Variants in TCOF1 observed in about 807,000 individuals in gnomAD.
The protein encoded by TCOF1 is treacle ribosome biogenesis factor 1.
A neutral mutation model predicts 149.0 loss-of-function variants in TCOF1; 33 were observed. The ratio of observed to expected loss-of-function variants is 0.22; its 90% confidence interval spans 0.17 to 0.30. The LOEUF is 0.30. Among genes scored for constraint, TCOF1 ranks in the 10% least tolerant of loss-of-function variants. TCOF1 has a pLI of 1.00. For synonymous variants in TCOF1, 789 were observed against 738.8 expected (o/e 1.07, Z -1.10); for missense variants, 1,728 against 1,840.7 (o/e 0.94, Z 1.12).
In TCOF1 at chr5:150,393,490, A is replaced by C. The variant is rs1767839854; in HGVS notation, c.3722A>C (p.Asp1241Ala). Residue 1241 changes from aspartate to alanine, a missense_variant, in exon 23 of 27, where the codon GAC becomes GCC. Around this residue, in one of 2 missense-constraint regions of TCOF1, gnomAD observed 1,696 missense variants for 1,765.4 expected, o/e 0.96. Coordinates refer to ENST00000643257, the MANE Select transcript of TCOF1 (RefSeq NM_001371623.1). The stretch of plus-strand genomic sequence containing the variant: ...TCCTCTACTCTGGCCGCCAAAGATG[A>C]CCCAGATGGCAAGCAGGAGGCAAAG... ...SVSSTLAAKD[D>A]PDGKQEAKPQ... 5 of 1,613,992 alleles carry C rather than the reference A, an allele frequency of 3.1e-6. No homozygotes were observed. The Admixed American group carries it at 5.0e-5, about 16-fold the overall frequency.
intron 26 of TCOF1, 48 bp downstream of exon 26, chr5:150,399,118 T>G: frequency 6.6e-5 from 105 of 1,596,578 alleles, no homozygotes; most frequent in Non-Finnish European, 8.1e-5. Flanking sequence ...AGGACAGCTC[T>G]GGTGTCCCCT....
intron 17 of TCOF1, 51 bp from the exon 18 acceptor site, chr5:150,387,851 C>T (rs1483916516): frequency 6.2e-7 from 1 of 1,612,370 alleles, no homozygotes; most frequent in Non-Finnish European, 8.5e-7. Flanking sequence ...ACCTCCTTTC[C>T]CTGGCCAAGC....
At chr5:150,390,883 G>A (rs757344894) in intron 19 of TCOF1, among the ~76,000 whole-genome samples, 3 of 152,164 alleles carry the variant, frequency 2.0e-5, no homozygotes, top group Non-Finnish European at 4.4e-5. Flanking sequence ...GAGGGGCAGC[G>A]ATTAAACAAG....
At chr5:150,358,823 C>T (rs371574397) in intron 1 of TCOF1, among the ~76,000 whole-genome samples, 9 of 151,882 alleles carry the variant, frequency 5.9e-5, no homozygotes, top group African/African-American at 2.2e-4. Context: ...GGCGATAAAG[C>T]GAGACTCTGC....
Position 150,388,054 on chromosome 5 carries a change from G to A in TCOF1, c.3012G>A (p.Glu1004=). Residue 1004 remains glutamate (E), a synonymous_variant, in exon 18 of 27, where the codon GAG becomes GAA. Coordinates refer to ENST00000643257, the MANE Select transcript of TCOF1 (RefSeq NM_001371623.1). ...ARSSSSESED[E]DVIPATQCLT... ...GCTCCTCCTCCGAGAGCGAGGATGAGGACGTGATCCCCGCTACACAGTGCT... is the reference window on the plus strand; with the variant it reads ...GCTCCTCCTCCGAGAGCGAGGATGAAGACGTGATCCCCGCTACACAGTGCT... 2 of 1,613,692 alleles carry A rather than the reference G, an allele frequency of 1.2e-6. No homozygotes were observed. Among genetic ancestry groups the A allele is most frequent in the Non-Finnish European group, 1.7e-6 (2 of 1,180,016 alleles).
rs765903275 is a variant in TCOF1 at position 150,375,485 on chromosome 5, A to C, written c.1635A>C (p.Ser545=). ...SAQVGKWEED[S]ESSSEESSDS... ...AGGTGGGGAAGTGGGAGGAGGACTC[A>C]GAGAGCAGTAGTGAGGAGTCATCAG... The change falls in exon 11 of 27, where the codon TCA becomes TCC. Residue 545 remains serine, a synonymous_variant. Transcript: ENST00000643257. 2 of 1,614,162 alleles carry C rather than the reference A, an allele frequency of 1.2e-6. No homozygotes were observed. The highest frequency in any genetic ancestry group is 1.7e-6 in the Non-Finnish European group (2 of 1,180,012).
chr5:150,393,590 A>G, intron 23 of TCOF1, 38 bp downstream of exon 23: 1 of 1,613,798 alleles, frequency 6.2e-7, no homozygotes, highest in East Asian at 2.2e-5. Context: ...AGCAGGACAC[A>G]GAGGGACAGG....
intron 4 of TCOF1, 188 bp downstream of exon 4, chr5:150,368,105 A>T: frequency 1.6e-6 from 1 of 613,882 alleles, no homozygotes; most frequent in South Asian, 1.9e-5. Flanking sequence ...CTTTTCTATA[A>T]AGATAAGGAT....
In TCOF1 at chr5:150,379,787, T is replaced by G. The variant is rs1177514625; in HGVS notation, c.2859+55T>G. The G allele has an allele frequency of 5.7e-6, 9 of 1,589,160 alleles. No homozygotes were observed. The Admixed American group carries it at 1.6e-4, about 28-fold the overall frequency. On this transcript the variant is annotated intron_variant, in intron 17 of 26. Coordinates refer to ENST00000643257, the MANE Select transcript of TCOF1 (RefSeq NM_001371623.1). ...ACACTCACTCCTCAGAACGGGGGTATAGGGCTGGGCGTGGTGGCTCACACC... is the reference window on the plus strand; with the variant it reads ...ACACTCACTCCTCAGAACGGGGGTAGAGGGCTGGGCGTGGTGGCTCACACC...
At position 150,368,009 on chromosome 5, in the gene TCOF1, A is replaced by G. The variant is rs1207527760; in HGVS notation, c.378+92A>G. 3.5e-6 allele frequency: 5 copies of G among 1,410,292 alleles called. No individual in the cohort carries two copies. In the Admixed American group the frequency reaches 9.2e-5, roughly 26 times the overall value. 87.4% of individuals were successfully genotyped at this position (1,410,292 alleles called of 1,614,324 possible). ...CATGTCAGAGAAGGATAGGGTTGTG[A>G]GTAATTGCCCCACCTGGATTCAGAG... On this transcript the variant is annotated intron_variant, in intron 4 of 26. Coordinates refer to ENST00000643257, the MANE Select transcript of TCOF1 (RefSeq NM_001371623.1).
chr5:150,361,396 G>C (rs1760056000), intron 2 of TCOF1, among the ~76,000 whole-genome samples, 185 bp downstream of exon 2: 2 of 152,110 alleles, frequency 1.3e-5, no homozygotes, highest in Non-Finnish European at 2.9e-5. Flanking sequence ...TCTGGTAGTG[G>C]GAGGGGACAT....
Position 150,383,047 on chromosome 5 carries a change from G to C in TCOF1, c.2859+3315G>C, listed in dbSNP as rs1307272338. 4.6e-6 allele frequency: 7 copies of C among 1,531,856 alleles called. No individual in the cohort carries two copies. In the South Asian group the frequency reaches 8.4e-5, roughly 18 times the overall value. The allele number at this position is 1,531,856 out of a possible 1,614,324, so 94.9% of individuals were successfully genotyped here. The stretch of plus-strand genomic sequence containing the variant: ...ACTCCCCGACCACGTGCTTATCCAG[G>C]TCTTGTCCCCTCAGAAGGACAGTAA... On this transcript the variant is annotated intron_variant, in intron 17 of 26. Transcript: ENST00000643257.
rs570540028 is a variant in TCOF1 at position 150,364,584 on chromosome 5, G to A, written c.304+332G>A. On this transcript the variant is annotated intron_variant, in intron 3 of 26. Transcript: ENST00000643257. ...ACACACGTTCAGAAGTACTGCTGGA[G>A]GGATTTCAGAAAGCAGCTAGCGGAC... Among the ~76,000 whole-genome samples the A allele has an allele frequency of 2.6e-5, 4 of 152,322 alleles. No individual in the cohort carries two copies. In the South Asian group the frequency reaches 8.3e-4, roughly 32 times the overall value.
intron 4 of TCOF1, chr5:150,368,183 T>C (rs1293736814): frequency 6.2e-6 from 3 of 481,266 alleles, no homozygotes; most frequent in Non-Finnish European, 1.1e-5. Flanking sequence ...TCCTCTTTCA[T>C]GCCTGCGTTC....
chr5:150,368,581 G>A, intron 4 of TCOF1, 135 bp from the exon 5 acceptor site: 1 of 978,120 alleles, frequency 1.0e-6, no homozygotes, highest in South Asian at 1.4e-5. Context: ...TTAAAGATTG[G>A]GAAACAGATT....
At chr5:150,372,303 C>G in intron 7 of TCOF1, 67 bp downstream of exon 7, 1 of 1,385,496 alleles carries the variant, frequency 7.2e-7, no homozygotes, top group Middle Eastern at 2.5e-4. Flanking sequence ...AGCACTCTGC[C>G]ATGAGCACCT....
intron 17 of TCOF1, among the ~76,000 whole-genome samples, chr5:150,385,670 G>T (rs1236814626): frequency 6.6e-6 from 1 of 152,164 alleles, no homozygotes; most frequent in African/African-American, 2.4e-5. Context: ...TGGAATGAAG[G>T]CACAGTTAGA....
Position 150,391,904 on chromosome 5 carries a change from G to A in TCOF1, c.3298-53G>A, listed in dbSNP as rs1767517010. On this transcript the variant is annotated intron_variant, in intron 20 of 26. Transcript: ENST00000643257. The stretch of plus-strand genomic sequence containing the variant: ...CTACTGAAGTGTTCAGGAAGGACCA[G>A]GTCTTACTTGCCCTAATTTTTCCTT... The A allele has an allele frequency of 1.9e-6, 3 of 1,577,694 alleles. No individual in the cohort carries two copies. In the African/African-American group the frequency reaches 4.1e-5, roughly 21 times the overall value.
Position 150,375,143 on chromosome 5 carries a change from G to A in TCOF1, c.1468G>A (p.Ala490Thr), listed in dbSNP as rs970533234. 16 of 1,613,470 alleles carry A rather than the reference G, an allele frequency of 9.9e-6. No homozygotes were observed. The African/African-American group carries it at 1.3e-4, about 13-fold the overall frequency. Residue 490 changes from alanine to threonine, a missense_variant, in exon 10 of 27, where the codon GCA becomes ACA. Ala to Thr is a moderately conservative substitution (Grantham distance 58). This residue lies in a region of TCOF1 where 1,696 missense variants were observed against 1,765.4 expected (regional missense o/e 0.96). Coordinates refer to ENST00000643257, the MANE Select transcript of TCOF1 (RefSeq NM_001371623.1). ...EESDSDREAL[A>T]AMNAAQVKPL... ...GTCAGACAGTGACAGAGAGGCACTG[G>A]CAGCCATGAATGCAGCTCAGGTGAG...
Sources: gnomAD v4.1 joint callset for allele counts (sites outside exome capture counted in the v4.1 genomes callset) on GRCh38, gnomAD v4.1.1 for gene constraint, gnomAD v4.1.1 regional missense constraint, MANE v1.5 for transcripts, NCBI Gene and HGNC (gene_info 2026-07-23, HGNC 2026-07-21) for gene names.